The following IRAK2 variants were observed in gnomAD, a reference collection of about 807,000 sequenced individuals.
IRAK2 encodes the protein interleukin-1 receptor-associated kinase-like 2.
In IRAK2, 57 loss-of-function variants were observed where a neutral mutation model predicts 72.0. That is an observed-to-expected ratio of 0.79 (90% CI 0.64 to 0.99). The LOEUF (loss-of-function observed/expected upper bound fraction) is 0.99. IRAK2 is among the 50% of genes least tolerant of loss of function. IRAK2 has a pLI of 0.00. For missense variants in IRAK2, 790 were observed against 794.4 expected (o/e 0.99, Z 0.07); for synonymous variants, 293 against 312.7 (o/e 0.94, Z 0.67).
intron 9 of IRAK2, among the ~76,000 whole-genome samples, chr3:10,223,355 C>T (rs1697725330): frequency 1.3e-5 from 2 of 152,192 alleles, no homozygotes; most frequent in African/African-American, 2.4e-5. Flanking sequence ...CCACCACCAC[C>T]ATCCTTGTCT....
At chr3:10,184,790 C>T (rs551549700) in intron 2 of IRAK2, among the ~76,000 whole-genome samples, 32 of 138,792 alleles carry the variant, frequency 2.3e-4, no homozygotes, top group East Asian at 1.6e-3. Flanking sequence ...AGTGCAGTGG[C>T]GCGATCTCGG....
chr3:10,183,083 A>G (rs972398053), intron 2 of IRAK2, among the ~76,000 whole-genome samples: 3 of 152,036 alleles, frequency 2.0e-5, no homozygotes, highest in Non-Finnish European at 4.4e-5. Flanking sequence ...GATGCCCACC[A>G]CCTCTTAAAG....
At chr3:10,190,940 A>G (rs184272113) in intron 2 of IRAK2, among the ~76,000 whole-genome samples, 127 of 152,306 alleles carry the variant, frequency 8.3e-4, no homozygotes, top group African/African-American at 3.0e-3. Flanking sequence ...GAGGGTTGGA[A>G]GAGGCTCACT....
intron 3 of IRAK2, among the ~76,000 whole-genome samples, chr3:10,202,361 T>C (rs2543464): frequency 1 from 152,312 of 152,312 alleles, 76,156 homozygotes; most frequent in Non-Finnish European, 1. Flanking sequence ...TGGTAGCTCA[T>C]GCCTGTAATC....
In IRAK2 at chr3:10,234,466, T is replaced by TACTC. The variant is rs1430812090; in HGVS notation, c.1281_1284dup (p.Leu429ThrfsTer4). On this transcript the variant is annotated frameshift_variant, in exon 11 of 13. Transcript: ENST00000256458. LOFTEE classifies it high-confidence loss of function. ...CTACCCTTCTTCCCACAGAAGGACT[T>TACTC]ACTCCTCAGTGATATTCCAAGCAGC... is the stretch of plus-strand genomic sequence containing the variant. 6.2e-7 allele frequency: 1 copy of TACTC among 1,614,064 alleles called. No homozygotes were observed. The highest frequency in any genetic ancestry group is 8.5e-7 in the Non-Finnish European group (1 of 1,179,926).
intron 1 of IRAK2, among the ~76,000 whole-genome samples, chr3:10,169,411 C>A (rs1422302584): frequency 2.0e-5 from 3 of 151,956 alleles, no homozygotes; most frequent in Non-Finnish European, 2.9e-5. Context: ...CAGACAGACA[C>A]CCCCAGAGTG....
chr3:10,222,694 C>G lies in IRAK2; in HGVS notation c.1072C>G (p.Leu358Val). Reference protein sequence around the residue: ...TPKLAHPMAHLCPVNKRSKYT... With the variant: ...TPKLAHPMAHVCPVNKRSKYT... ...CAAACTTGCTCACCCAATGGCTCAT[C>G]TGTGTCCTGTCAACAAAAGGTCAAA... Residue 358 changes from leucine (L) to valine (V), a missense_variant, in exon 9 of 13, where the codon CTG (leucine) becomes GTG (valine). Coordinates refer to ENST00000256458, the MANE Select transcript of IRAK2 (RefSeq NM_001570.4). 1 of 1,614,222 alleles carries G rather than the reference C, an allele frequency of 6.2e-7. No individual in the cohort carries two copies. The highest frequency in any genetic ancestry group is 8.5e-7 in the Non-Finnish European group (1 of 1,180,040).
chr3:10,184,932 T>C (rs1486539596), intron 2 of IRAK2, among the ~76,000 whole-genome samples: 1 of 149,742 alleles, frequency 6.7e-6, no homozygotes, highest in South Asian at 2.1e-4. Flanking sequence ...AGAGACGGGG[T>C]TTCACCGTGT....
At chr3:10,193,458 A>G (rs944810681) in intron 2 of IRAK2, among the ~76,000 whole-genome samples, 2 of 151,998 alleles carry the variant, frequency 1.3e-5, no homozygotes, top group African/African-American at 4.8e-5. Context: ...AAACAAAAAC[A>G]AAAACAAAAA....
chr3:10,207,083 T>C (rs1324160498), intron 3 of IRAK2, among the ~76,000 whole-genome samples: 1 of 151,524 alleles, frequency 6.6e-6, no homozygotes, highest in Non-Finnish European at 1.5e-5. Flanking sequence ...AAACTCTTTT[T>C]GTTTGTTTTT....
chr3:10,220,442 A>AT lies in IRAK2; in HGVS notation c.1013+663dup, dbSNP rs954658189. Among the ~76,000 whole-genome samples, 57 of 148,104 alleles carry AT rather than the reference A, an allele frequency of 3.8e-4. No individual in the cohort carries two copies. The East Asian group carries it at 5.3e-3, about 14-fold the overall frequency. On this transcript the variant is annotated intron_variant, in intron 8 of 12. Coordinates refer to ENST00000256458, the MANE Select transcript of IRAK2 (RefSeq NM_001570.4). The stretch of plus-strand genomic sequence containing the variant: ...GTCCTTTCCTCTTTTCTCTCCCCCA[A>AT]TTTTTTTTTTGTTTTTTGAGACGGA...
chr3:10,186,784 T>G (rs923638033), intron 2 of IRAK2, among the ~76,000 whole-genome samples: 1 of 103,996 alleles, frequency 9.6e-6, no homozygotes, highest in Non-Finnish European at 1.8e-5. Context: ...CTTTCTTTCC[T>G]TTTTTTTTTT....
intron 3 of IRAK2, among the ~76,000 whole-genome samples, chr3:10,205,527 T>A (rs1312105255): frequency 6.6e-6 from 1 of 152,180 alleles, no homozygotes. Flanking sequence ...TCATGACTTG[T>A]GTGAGGCAAG....
intron 2 of IRAK2, among the ~76,000 whole-genome samples, chr3:10,188,591 A>G (rs1208961381): frequency 1.3e-5 from 2 of 152,072 alleles, no homozygotes; most frequent in South Asian, 2.1e-4. Context: ...CAATAGCGCA[A>G]TCTCGGCTCA....
At chr3:10,197,477 A>G (rs11920871) in intron 2 of IRAK2, among the ~76,000 whole-genome samples, 113 of 152,282 alleles carry the variant, frequency 7.4e-4, no homozygotes, top group African/African-American at 2.6e-3. Flanking sequence ...GAGATAACCA[A>G]TATTTTAAGA....
At chr3:10,206,039 G>A (rs1188277602) in intron 3 of IRAK2, among the ~76,000 whole-genome samples, 2 of 152,206 alleles carry the variant, frequency 1.3e-5, no homozygotes, top group African/African-American at 4.8e-5. Flanking sequence ...ACCAAGACAG[G>A]ATAGGATTTC....
Position 10,200,425 on chromosome 3 carries a change from C to G in IRAK2, c.334C>G (p.Pro112Ala), listed in dbSNP as rs1209833666. The G allele has an allele frequency of 1.2e-6, 2 of 1,608,186 alleles. No individual in the cohort carries two copies. Among genetic ancestry groups the G allele is most frequent in the Non-Finnish European group, 1.7e-6 (2 of 1,175,346 alleles). ...TCCAGCCTTCCCTGACTCTGTGAAG[C>G]CAGAAAAGCCTTTGGCAGCTTCTGT... The part of the protein sequence containing the change: ...PIPAFPDSVK[P>A]EKPLAASVRK... The change falls in exon 3 of 13, where the codon CCA becomes GCA. Residue 112 changes from proline to alanine, a missense_variant. Coordinates refer to ENST00000256458, the MANE Select transcript of IRAK2 (RefSeq NM_001570.4).
chr3:10,222,911 G>A (rs1384150094), intron 9 of IRAK2, 80 bp downstream of exon 9: 9 of 1,280,436 alleles, frequency 7.0e-6, no homozygotes, highest in Admixed American at 1.8e-5. Context: ...CACAGGATAC[G>A]GTAGAGGCAC....
intron 12 of IRAK2, among the ~76,000 whole-genome samples, chr3:10,240,585 G>T: frequency 1.1e-5 from 1 of 93,788 alleles, no homozygotes. Flanking sequence ...TTGAGACAGT[G>T]TTTCACTCTT....
Sources: allele counts gnomAD v4.1 joint callset (sites outside exome capture counted in the v4.1 genomes callset), GRCh38; gene constraint gnomAD v4.1.1; transcripts MANE v1.5; gene names NCBI Gene and HGNC (gene_info 2026-07-23, HGNC 2026-07-21).